Variants in PIK3R1 observed in about 807,000 individuals in gnomAD.
PIK3R1 encodes phosphatidylinositol 3-kinase regulatory subunit alpha.
In PIK3R1, 29 loss-of-function variants were observed where a neutral mutation model predicts 98.0. That is an observed-to-expected ratio of 0.30 (90% CI 0.22 to 0.40). The LOEUF (loss-of-function observed/expected upper bound fraction) is 0.40, where lower values mean the gene tolerates loss of function less well. Ranked by LOEUF, PIK3R1 falls within the 10% of genes least tolerant of loss-of-function variation. The pLI is 1.00. For missense variants in PIK3R1, 596 were observed against 872.7 expected (o/e 0.68, Z 3.99); for synonymous variants, 282 against 311.8 (o/e 0.90, Z 1.01).
rs536280427 is a variant in PIK3R1, at chr5:68,297,705, G to A, written c.*104G>A. The A allele has an allele frequency of 4.3e-6, 4 of 933,640 alleles. No individual in the cohort carries two copies. The highest frequency in any genetic ancestry group is 3.2e-5 in the South Asian group (2 of 62,290). The allele number at this position is 933,640 out of a possible 1,614,324, so 57.8% of individuals were successfully genotyped here. A position where few individuals can be genotyped will look rare whatever the true frequency, so the allele number is the denominator to read the frequency against. ...GATCTGTGAATTGAGCTGCAGAAAC[G>A]AAGCCATCTTTCTTTGGATGGGACT... On this transcript the variant is annotated 3_prime_UTR_variant, in exon 16 of 16. Transcript: ENST00000521381.
chr5:68,261,750 T>G (rs1745756766), intron 2 of PIK3R1, among the ~76,000 whole-genome samples: 1 of 152,196 alleles, frequency 6.6e-6, no homozygotes, highest in South Asian at 2.1e-4. Context: ...ATCTGTTGTT[T>G]TATTTATAGC....
chr5:68,288,397 C>A, intron 7 of PIK3R1: 2 of 1,182,174 alleles, frequency 1.7e-6, no homozygotes, highest in Non-Finnish European at 1.0e-6. Flanking sequence ...GTGCGAGCGC[C>A]TGGGCTCCTT....
intron 2 of PIK3R1, among the ~76,000 whole-genome samples, chr5:68,266,345 C>G (rs1746122091): frequency 6.6e-6 from 1 of 152,232 alleles, no homozygotes; most frequent in Non-Finnish European, 1.5e-5. Flanking sequence ...AGTTTGCCCT[C>G]AGCCAGAGAT....
rs148128862 is a variant in PIK3R1, at chr5:68,297,811, G to A, written c.*210G>A. 7.1e-4 allele frequency: 298 copies of A among 417,624 alleles called. No homozygotes were observed. The highest frequency in any genetic ancestry group is 5.3e-3 in the African/African-American group (263 of 49,194). 25.9% of individuals were successfully genotyped at this position (417,624 alleles called of 1,614,324 possible). A position where few individuals can be genotyped will look rare whatever the true frequency, so the allele number is the denominator to read the frequency against. ...GATGACCACACGTTCCTAAGCTGGAGTGCTTATCCCTTCTTTTTCTTTTTT... is the reference window on the plus strand; with the variant it reads ...GATGACCACACGTTCCTAAGCTGGAATGCTTATCCCTTCTTTTTCTTTTTT... On this transcript the variant is annotated 3_prime_UTR_variant, in exon 16 of 16. Transcript: ENST00000521381.
At chr5:68,239,130 A>G (rs184481683) in intron 2 of PIK3R1, among the ~76,000 whole-genome samples, 166 of 152,106 alleles carry the variant, frequency 1.1e-3, no homozygotes, top group African/African-American at 3.9e-3. Context: ...GATACACTAA[A>G]CCTCTTGTTC....
At chr5:68,262,320 T>G (rs1040460570) in intron 2 of PIK3R1, among the ~76,000 whole-genome samples, 1 of 150,712 alleles carries the variant, frequency 6.6e-6, no homozygotes, top group Non-Finnish European at 1.5e-5. Flanking sequence ...ATATCACCTC[T>G]CTGTATCTGT....
chr5:68,224,218 A>C (rs1744199031), intron 1 of PIK3R1, among the ~76,000 whole-genome samples: 1 of 152,250 alleles, frequency 6.6e-6, no homozygotes, highest in African/African-American at 2.4e-5. Context: ...TGTACAGAGT[A>C]CATTAGTACT....
rs34491401 is a variant in PIK3R1, at chr5:68,301,366, A to ATATATATATATG, written c.*3766_*3767insATATATATATGT. ...GCTATATATATATATATATATATAT[A>ATATATATATATG]TGTGTGTGTGTGTGTGTGTGTGTGT... On this transcript the variant is annotated 3_prime_UTR_variant, in exon 16 of 16. Transcript: ENST00000521381. The ATATATATATATG allele has an allele frequency of 4.7e-5, 3 of 63,314 alleles. No homozygotes were observed. Among genetic ancestry groups the ATATATATATATG allele is most frequent in the African/African-American group, 7.0e-5 (1 of 14,266 alleles). The allele number at this position is 63,314 out of a possible 1,614,324, so 3.9% of individuals were successfully genotyped here.
At chr5:68,282,717 T>A (rs1447492360) in intron 7 of PIK3R1, among the ~76,000 whole-genome samples, 4 of 152,236 alleles carry the variant, frequency 2.6e-5, no homozygotes, top group Non-Finnish European at 5.9e-5. Flanking sequence ...CCTACATTTC[T>A]CTGCTGAGCA....
intron 2 of PIK3R1, among the ~76,000 whole-genome samples, chr5:68,243,118 A>G (rs982780700): frequency 3.3e-5 from 5 of 151,572 alleles, no homozygotes; most frequent in Non-Finnish European, 7.4e-5. Context: ...CCACTGTCGC[A>G]ATTTTTACAA....
At chr5:68,262,969 ATATATACATG>A (rs1745922978) in intron 2 of PIK3R1, among the ~76,000 whole-genome samples, 1 of 50,524 alleles carries the variant, frequency 2.0e-5, no homozygotes, top group African/African-American at 9.6e-5. Context: ...ACATGTATAC[ATATATACATG>A]TAGATACATG....
At chr5:68,217,645 T>TGG (rs1224108539) in intron 1 of PIK3R1, 5 of 135,430 alleles carry the variant, frequency 3.7e-5, no homozygotes, top group African/African-American at 6.0e-5. Flanking sequence ...TGTGTGTGTG[T>TGG]GTGTGTGTGC....
At chr5:68,220,418 A>G (rs537067581) in intron 1 of PIK3R1, among the ~76,000 whole-genome samples, 1 of 152,216 alleles carries the variant, frequency 6.6e-6, no homozygotes, top group South Asian at 2.1e-4. Flanking sequence ...TTTCTGGGTG[A>G]TAGGATCTGT....
rs913474855 is a variant in PIK3R1, at chr5:68,300,694, T to C, written c.*3093T>C. 4.3e-6 allele frequency: 1 copy of C among 233,226 alleles called. No homozygotes were observed. The highest frequency in any genetic ancestry group is 2.2e-5 in the African/African-American group (1 of 45,368). The allele number at this position is 233,226 out of a possible 1,614,324, so 14.4% of individuals were successfully genotyped here. On this transcript the variant is annotated 3_prime_UTR_variant, in exon 16 of 16. Coordinates refer to ENST00000521381, the MANE Select transcript of PIK3R1 (RefSeq NM_181523.3). ...AGCCAAAACAGATCCACAGTAGTTG[T>C]TGAGTTCAAGTACATAAAGTACATA...
intron 7 of PIK3R1, chr5:68,288,635 G>C (rs540856634): frequency 8.0e-5 from 127 of 1,596,930 alleles, no homozygotes; most frequent in Admixed American, 2.0e-4. Context: ...GAACAGGCTG[G>C]GGGGAGGTGC....
At chr5:68,264,077 G>A (rs1746019436) in intron 2 of PIK3R1, among the ~76,000 whole-genome samples, 1 of 152,144 alleles carries the variant, frequency 6.6e-6, no homozygotes, top group Non-Finnish European at 1.5e-5. Context: ...ATATTTAGCT[G>A]GATAAAACCC....
intron 7 of PIK3R1, among the ~76,000 whole-genome samples, chr5:68,284,614 A>G (rs934795155): frequency 1.2e-4 from 18 of 152,228 alleles, no homozygotes; most frequent in African/African-American, 3.6e-4. Flanking sequence ...CGACCCATTC[A>G]GTATGTTTAT....
intron 4 of PIK3R1, among the ~76,000 whole-genome samples, chr5:68,277,371 T>C (rs568474668): frequency 6.6e-6 from 1 of 152,360 alleles, no homozygotes; most frequent in East Asian, 1.9e-4. Context: ...TTGTTAAACA[T>C]GTGATATGTC....
At position 68,227,088 on chromosome 5, in the gene PIK3R1, G is replaced by A. The variant is rs146969933; in HGVS notation, c.334+79G>A. 5.2e-4 allele frequency: 679 copies of A among 1,315,074 alleles called. 5 individuals carry two copies. The African/African-American group carries it at 9.2e-3, about 18-fold the overall frequency. 81.5% of individuals were successfully genotyped at this position (1,315,074 alleles called of 1,614,324 possible). On this transcript the variant is annotated intron_variant, in intron 2 of 15. Coordinates refer to ENST00000521381, the MANE Select transcript of PIK3R1 (RefSeq NM_181523.3). Reference sequence around the variant, plus strand: ...AAAAGTCTTAAGTTTGGGTTGAGTCGTTATGTTCTGGGCAGAAGTTACCTT... The same window carrying A: ...AAAAGTCTTAAGTTTGGGTTGAGTCATTATGTTCTGGGCAGAAGTTACCTT...
Sources: gnomAD v4.1 joint callset for allele counts (sites outside exome capture counted in the v4.1 genomes callset) on GRCh38, gnomAD v4.1.1 for gene constraint, MANE v1.5 for transcripts, NCBI Gene and HGNC (gene_info 2026-07-23, HGNC 2026-07-21) for gene names.